CDH18: variants seen among roughly 807,000 people sequenced by gnomAD.
The protein encoded by CDH18 is cadherin-18.
In CDH18, 31 loss-of-function variants were observed where a neutral mutation model predicts 67.9. The observed-to-expected ratio is 0.46, with a 90% CI of 0.34 to 0.62. CDH18 has a LOEUF of 0.62. CDH18 is among the 20% of genes least tolerant of loss of function. CDH18 has a pLI of 0.01. For missense variants in CDH18, 890 were observed against 975.5 expected, an observed-to-expected ratio of 0.91 and a Z score of 1.17; for synonymous variants, 362 against 347.2, an observed-to-expected ratio of 1.04 and a Z score of -0.48.
intron 5 of CDH18, among the ~76,000 whole-genome samples, chr5:19,679,679 A>T (rs890833878): frequency 6.6e-6 from 1 of 152,110 alleles, no homozygotes; most frequent in South Asian, 2.1e-4. Context: ...GAATAATGCA[A>T]TCCCATTTCT....
chr5:20,206,698 A>G (rs1739920250), intron 2 of CDH18, among the ~76,000 whole-genome samples: 1 of 151,978 alleles, frequency 6.6e-6, no homozygotes, highest in Non-Finnish European at 1.5e-5. Context: ...GATTTAACCT[A>G]CAAAAATCTA....
At chr5:20,540,133 G>C (rs1484856873) in intron 1 of CDH18, among the ~76,000 whole-genome samples, 1 of 152,088 alleles carries the variant, frequency 6.6e-6, no homozygotes, top group Non-Finnish European at 1.5e-5. Context: ...GGACTTCTTA[G>C]AGAGGCTACA....
intron 5 of CDH18, among the ~76,000 whole-genome samples, chr5:19,650,919 ACTTAT>A (rs1042340249): frequency 6.6e-5 from 10 of 152,014 alleles, no homozygotes; most frequent in African/African-American, 2.2e-4. Flanking sequence ...CTAGTATAGA[ACTTAT>A]CTTAAAATTA....
At chr5:20,347,389 T>G (rs1740788591) in intron 1 of CDH18, among the ~76,000 whole-genome samples, 1 of 152,072 alleles carries the variant, frequency 6.6e-6, no homozygotes, top group African/African-American at 2.4e-5. Context: ...TCTTCCCTTT[T>G]CCCTAAACCG....
chr5:20,530,737 C>T lies in CDH18; in HGVS notation c.-580+44725G>A, dbSNP rs187125601. Among the ~76,000 whole-genome samples, 209 of 152,106 alleles carry T rather than the reference C, an allele frequency of 1.4e-3. 2 individuals are homozygous for T. Among genetic ancestry groups the T allele is most frequent in the African/African-American group, 4.8e-3 (198 of 41,440 alleles). On this transcript the variant is annotated intron_variant, in intron 1 of 14. Coordinates refer to the CDH18 transcript ENST00000507958. ...TTTACAACTTACACAAAAATTAACTCAAGATGGATTAAAAACTTAAATGTA... is the reference window on the plus strand; with the variant it reads ...TTTACAACTTACACAAAAATTAACTTAAGATGGATTAAAAACTTAAATGTA...
intron 9 of CDH18, among the ~76,000 whole-genome samples, chr5:19,522,675 A>C (rs1049943839): frequency 1.3e-5 from 2 of 152,118 alleles, no homozygotes; most frequent in Non-Finnish European, 2.9e-5. Flanking sequence ...TAGGAGGAAC[A>C]CCTGAGGTCA....
At chr5:19,873,719 C>T (rs935566108) in intron 2 of CDH18, among the ~76,000 whole-genome samples, 3 of 152,144 alleles carry the variant, frequency 2.0e-5, no homozygotes, top group East Asian at 1.9e-4. Flanking sequence ...ACGATCTTGG[C>T]TCACTGCAAC....
chr5:19,787,211 T>A lies in CDH18; in HGVS notation c.229-39975A>T, dbSNP rs1023820512. 5.3e-5 allele frequency among the ~76,000 whole-genome samples: 8 copies of A among 152,278 alleles called. No homozygotes were observed. The Middle Eastern group carries it at 0.017, about 324-fold the overall frequency. ...GTACATATCAAATTAGGACAGTGCC[T>A]GGCAGAGCCAAGGCAGGTGGATCAC... On this transcript the variant is annotated intron_variant, in intron 3 of 12. Coordinates refer to ENST00000382275, the MANE Select transcript of CDH18 (RefSeq NM_004934.5).
Position 20,454,575 on chromosome 5 carries a change from G to A in CDH18, c.-580+120887C>T, listed in dbSNP as rs188981867. Reference sequence around the variant, plus strand: ...GAATAGAGAGGAATTTGCTGTGAAGGACTGCAGAGCGTCTGGGACTTTATC... The same window carrying A: ...GAATAGAGAGGAATTTGCTGTGAAGAACTGCAGAGCGTCTGGGACTTTATC... On this transcript the variant is annotated intron_variant, in intron 1 of 14. Coordinates refer to the CDH18 transcript ENST00000507958. 1.2e-3 allele frequency among the ~76,000 whole-genome samples: 179 copies of A among 152,174 alleles called. 3 individuals carry two copies. Among genetic ancestry groups the A allele is most frequent in the South Asian group, 6.6e-3 (32 of 4,822 alleles).
chr5:19,518,039 T>C (rs1184453208), intron 10 of CDH18, among the ~76,000 whole-genome samples: 2 of 152,040 alleles, frequency 1.3e-5, no homozygotes, highest in Non-Finnish European at 2.9e-5. Flanking sequence ...AAGAACATTA[T>C]GTTAGGATGT....
At chr5:20,056,478 G>GTTTTTTTTTTTTTTT (rs58415003) in intron 2 of CDH18, among the ~76,000 whole-genome samples, 3 of 16,288 alleles carry the variant, frequency 1.8e-4, no homozygotes, top group Non-Finnish European at 2.5e-4. Flanking sequence ...TCTTTCTTTT[G>GTTTTTTTTTTTTTTT]TTTTTTTTTT....
chr5:20,201,086 C>T (rs1035660901), intron 2 of CDH18, among the ~76,000 whole-genome samples: 2 of 151,918 alleles, frequency 1.3e-5, no homozygotes, highest in African/African-American at 4.8e-5. Context: ...AAACAAGTAT[C>T]AGTAGAGCAA....
chr5:19,937,799 T>G (rs571690387), intron 2 of CDH18, among the ~76,000 whole-genome samples: 27 of 150,964 alleles, frequency 1.8e-4, no homozygotes, highest in South Asian at 1.0e-3. Context: ...GTTATATATA[T>G]AGAGAGAGAC....
chr5:20,220,457 A>G (rs991373605), intron 2 of CDH18, among the ~76,000 whole-genome samples: 7 of 152,032 alleles, frequency 4.6e-5, no homozygotes, highest in Non-Finnish European at 1.0e-4. Flanking sequence ...CCTATCACTC[A>G]TCATACACAA....
chr5:19,568,911 G>A (rs568874413), intron 8 of CDH18, among the ~76,000 whole-genome samples: 5 of 152,194 alleles, frequency 3.3e-5, no homozygotes, highest in African/African-American at 9.7e-5. Context: ...TTGCAGGGGG[G>A]TGGATTTTGC....
intron 2 of CDH18, among the ~76,000 whole-genome samples, chr5:20,208,379 C>A (rs1205981716): frequency 6.6e-6 from 1 of 152,024 alleles, no homozygotes; most frequent in African/African-American, 2.4e-5. Context: ...ATGGGGATCA[C>A]AAACATGTGG....
chr5:20,265,169 T>G (rs996947327), intron 1 of CDH18, among the ~76,000 whole-genome samples: 11 of 152,168 alleles, frequency 7.2e-5, no homozygotes, highest in Admixed American at 3.9e-4. Flanking sequence ...ATTTCCTCCC[T>G]AATATTTATG....
At chr5:20,161,701 G>A (rs1580375834) in intron 2 of CDH18, among the ~76,000 whole-genome samples, 1 of 151,930 alleles carries the variant, frequency 6.6e-6, no homozygotes, top group Non-Finnish European at 1.5e-5. Flanking sequence ...CATTTATGTT[G>A]TCTTATTTCC....
At chr5:20,402,113 ATT>A (rs1450668354) in intron 1 of CDH18, among the ~76,000 whole-genome samples, 1 of 151,882 alleles carries the variant, frequency 6.6e-6, no homozygotes, top group African/African-American at 2.4e-5. Context: ...TGCCTAGAAG[ATT>A]TTTTTCCCTC....
Sources: allele counts gnomAD v4.1 joint callset (sites outside exome capture counted in the v4.1 genomes callset), GRCh38; gene constraint gnomAD v4.1.1; transcripts MANE v1.5; gene names NCBI Gene and HGNC (gene_info 2026-07-23, HGNC 2026-07-21).